CRYBG1: variants seen among roughly 807,000 people sequenced by gnomAD.
The protein encoded by CRYBG1 is beta/gamma crystallin domain-containing protein 1.
In CRYBG1, 139 loss-of-function variants were observed where a neutral mutation model predicts 189.2. The observed-to-expected ratio is 0.73, with a 90% confidence interval of 0.64 to 0.85. The LOEUF (loss-of-function observed/expected upper bound fraction) is 0.85. Among genes scored for constraint, CRYBG1 ranks in the 40% least tolerant of loss-of-function variants. The pLI, the probability that CRYBG1 is intolerant of heterozygous loss-of-function variation, is 0.00. For missense variants in CRYBG1, 2,611 were observed against 2,675.8 expected (o/e 0.98, Z 0.53); for synonymous variants, 1,023 against 1,017.1 (o/e 1.01, Z -0.11).
At chr6:106,446,878 T>G (rs559994584) in intron 1 of CRYBG1, among the ~76,000 whole-genome samples, 39 of 152,378 alleles carry the variant, frequency 2.6e-4, no homozygotes, top group African/African-American at 8.9e-4. Context: ...CTTGCCGTTA[T>G]TAATTTTGCT....
At chr6:106,441,501 A>T (rs1161489021) in intron 1 of CRYBG1, among the ~76,000 whole-genome samples, 6 of 152,194 alleles carry the variant, frequency 3.9e-5, no homozygotes, top group Non-Finnish European at 8.8e-5. Flanking sequence ...TGTATCCCTG[A>T]CGTGTTGCTA....
chr6:106,526,721 C>G (rs1773745233), intron 6 of CRYBG1, among the ~76,000 whole-genome samples: 1 of 151,950 alleles, frequency 6.6e-6, no homozygotes, highest in African/African-American at 2.4e-5. Flanking sequence ...GTGGGCAGAT[C>G]ACTTGAGGCC....
rs113454356 is a variant in CRYBG1, at chr6:106,511,651, G to A, written c.534G>A (p.Thr178=). The A allele has an allele frequency of 2.7e-5, 41 of 1,535,832 alleles. No homozygotes were observed. Among genetic ancestry groups the A allele is most frequent in the African/African-American group, 2.6e-4 (19 of 73,150 alleles). The stretch of plus-strand genomic sequence containing the variant: ...CTCAGAGCAGCCAACTGAAGCAAAC[G>A]GACACAAGCGAGGAGGGCTCCCCGC... ...SRSQSSQLKQ[T]DTSEEGSPRE... Residue 178 remains threonine (T), a synonymous_variant, in exon 3 of 22, where the codon ACG becomes ACA. Transcript: ENST00000633556.
chr6:106,462,286 T>G (rs1772028244), intron 2 of CRYBG1, among the ~76,000 whole-genome samples: 1 of 152,212 alleles, frequency 6.6e-6, no homozygotes, highest in Admixed American at 6.5e-5. Context: ...TTCTCCCGCC[T>G]CAGCCTCCCG....
At chr6:106,543,926 C>T (rs1262083924) in intron 11 of CRYBG1, among the ~76,000 whole-genome samples, 2 of 152,186 alleles carry the variant, frequency 1.3e-5, no homozygotes, top group African/African-American at 4.8e-5. Context: ...GTGTCACATG[C>T]CTGTGATCCC....
At chr6:106,529,894 A>G (rs1295444305) in intron 7 of CRYBG1, among the ~76,000 whole-genome samples, 1 of 152,236 alleles carries the variant, frequency 6.6e-6, no homozygotes, top group African/African-American at 2.4e-5. Context: ...AGGATGAGAA[A>G]AAGAAATATA....
intron 2 of CRYBG1, among the ~76,000 whole-genome samples, chr6:106,464,479 T>C (rs376875249): frequency 3.6e-4 from 46 of 126,740 alleles, no homozygotes; most frequent in Middle Eastern, 3.9e-3. Flanking sequence ...GGCGACAGAG[T>C]GAGACTTTGT....
At chr6:106,488,020 G>T (rs1192199953) in intron 2 of CRYBG1, among the ~76,000 whole-genome samples, 1 of 152,074 alleles carries the variant, frequency 6.6e-6, no homozygotes, top group East Asian at 1.9e-4. Flanking sequence ...CATTGACTTT[G>T]GTTCTGGGTG....
chr6:106,463,737 A>G (rs1381781954), intron 2 of CRYBG1, among the ~76,000 whole-genome samples: 1 of 152,192 alleles, frequency 6.6e-6, no homozygotes, highest in African/African-American at 2.4e-5. Flanking sequence ...GGGATTTAGT[A>G]TTTTAATTAT....
At chr6:106,417,842 G>T (rs1368014686) in intron 1 of CRYBG1, among the ~76,000 whole-genome samples, 1 of 152,240 alleles carries the variant, frequency 6.6e-6, no homozygotes, top group Non-Finnish European at 1.5e-5. Flanking sequence ...CCAGGCAAGG[G>T]TGCCTGCAAC....
At chr6:106,516,849 A>G (rs6938452) in intron 3 of CRYBG1, among the ~76,000 whole-genome samples, 73,584 of 151,786 alleles carry the variant, frequency 0.48, 18,653 homozygotes, top group Non-Finnish European at 0.57. Context: ...GTTACTTCTC[A>G]ACACTTCAAC....
chr6:106,393,195 A>G (rs548890914), intron 1 of CRYBG1, among the ~76,000 whole-genome samples: 1 of 152,236 alleles, frequency 6.6e-6, no homozygotes, highest in South Asian at 2.1e-4. Context: ...GGGCTAGCTC[A>G]TCAGAGTTCT....
At chr6:106,506,924 T>G (rs1473418369) in intron 2 of CRYBG1, among the ~76,000 whole-genome samples, 1 of 152,150 alleles carries the variant, frequency 6.6e-6, no homozygotes, top group Non-Finnish European at 1.5e-5. Context: ...AAAGAAAAAT[T>G]CATGATTCGG....
At chr6:106,387,097 A>T (rs182779016) in intron 1 of CRYBG1, among the ~76,000 whole-genome samples, 1 of 152,376 alleles carries the variant, frequency 6.6e-6, no homozygotes, top group East Asian at 1.9e-4. Context: ...TAGTAAAACA[A>T]GGAAGAAAAT....
At chr6:106,479,188 G>A (rs1772394829) in intron 2 of CRYBG1, among the ~76,000 whole-genome samples, 1 of 152,128 alleles carries the variant, frequency 6.6e-6, no homozygotes, top group Admixed American at 6.5e-5. Context: ...ACAAGTTTTT[G>A]TATGGACATA....
At chr6:106,559,833 G>A (rs188491060) in intron 18 of CRYBG1, among the ~76,000 whole-genome samples, 15 of 152,172 alleles carry the variant, frequency 9.9e-5, no homozygotes, top group Admixed American at 5.2e-4. Flanking sequence ...AGTGACTCAC[G>A]TCTGTAACCC....
At chr6:106,510,381 C>A (rs1393283856) in intron 2 of CRYBG1, among the ~76,000 whole-genome samples, 4 of 152,226 alleles carry the variant, frequency 2.6e-5, no homozygotes, top group Admixed American at 2.0e-4. Context: ...CGCCCATTGG[C>A]GGGTTTGCTT....
chr6:106,506,446 C>CTTTTTTTTTTTTTTTTT (rs67154803), intron 2 of CRYBG1, among the ~76,000 whole-genome samples: 1 of 69,920 alleles, frequency 1.4e-5, no homozygotes, highest in Non-Finnish European at 2.6e-5. Flanking sequence ...TTTCTTGTCA[C>CTTTTTTTTTTTTTTTTT]TTTTTTTTTT....
intron 1 of CRYBG1, among the ~76,000 whole-genome samples, chr6:106,381,491 CATCTTAGGTGAGTTCAG>C (rs1770287349): frequency 6.6e-6 from 1 of 152,158 alleles, no homozygotes; most frequent in Admixed American, 6.5e-5. Flanking sequence ...AGGAGATTGG[CATCTTAGGTGAGTTCAG>C]CTAGAAGCAA....
Sources: allele counts gnomAD v4.1 joint callset (sites outside exome capture counted in the v4.1 genomes callset), GRCh38; gene constraint gnomAD v4.1.1; transcripts MANE v1.5; gene names NCBI Gene and HGNC (gene_info 2026-07-23, HGNC 2026-07-21).